ATP6V0E1: variants seen among roughly 807,000 people sequenced by gnomAD.
ATP6V0E1 encodes ATPase H+ transporting V0 subunit e1.
ATP6V0E1 carries 4 observed loss-of-function variants against 11.6 expected under a neutral mutation model. The observed-to-expected ratio is 0.35, with a 90% CI of 0.17 to 0.79. The LOEUF is 0.79. Among genes scored for constraint, ATP6V0E1 ranks in the 30% least tolerant of loss-of-function variants. The pLI, the probability that ATP6V0E1 is intolerant of heterozygous loss-of-function variation, is 0.54. For missense variants in ATP6V0E1, 105 were observed against 100.0 expected, an observed-to-expected ratio of 1.05 and a Z score of -0.21; for synonymous variants, 36 against 34.8, an observed-to-expected ratio of 1.04 and a Z score of -0.13.
At chr5:173,029,370 G>A (rs1173941209) in intron 3 of ATP6V0E1, among the ~76,000 whole-genome samples, 1 of 152,088 alleles carries the variant, frequency 6.6e-6, no homozygotes, top group Non-Finnish European at 1.5e-5. Flanking sequence ...CCTTGTCAGG[G>A]TCAGAACCTG....
intron 2 of ATP6V0E1, among the ~76,000 whole-genome samples, chr5:172,997,775 T>C (rs1233806520): frequency 6.9e-6 from 1 of 145,612 alleles, no homozygotes; most frequent in African/African-American, 2.6e-5. Context: ...ATTGCACCAC[T>C]GCACTCCAGT....
chr5:173,034,808 A>G lies in ATP6V0E1; in HGVS notation c.*446A>G. 4.9e-6 allele frequency: 1 copy of G among 204,100 alleles called. No homozygotes were observed. The highest frequency in any genetic ancestry group is 1.1e-4 in the East Asian group (1 of 8,970). 12.6% of individuals were successfully genotyped at this position (204,100 alleles called of 1,614,324 possible). On this transcript the variant is annotated 3_prime_UTR_variant, in exon 4 of 4. Transcript: ENST00000519374. ...GTTCAGAGGGAAGAGCCATCTCAAC[A>G]GAATCGCACCAAACTATACTTTCAG...
At chr5:173,024,421 A>G (rs567686240) in intron 3 of ATP6V0E1, among the ~76,000 whole-genome samples, 1 of 151,404 alleles carries the variant, frequency 6.6e-6, no homozygotes, top group South Asian at 2.1e-4. Flanking sequence ...TGTCTGTGAG[A>G]ACCTGTTTAG....
chr5:172,986,531 G>T (rs1336858619), intron 1 of ATP6V0E1: 1 of 227,310 alleles, frequency 4.4e-6, no homozygotes, highest in Non-Finnish European at 8.9e-6. Flanking sequence ...GCTGAGTGAG[G>T]GGGATGGGAG....
In ATP6V0E1 at chr5:173,034,579, T is replaced by C; in HGVS notation, c.*217T>C. The stretch of plus-strand genomic sequence containing the variant: ...CACTTTGGTGAATTACGTGCCTCCA[T>C]AACCTGAACTGTGCCGACTCCACAA... On this transcript the variant is annotated 3_prime_UTR_variant, in exon 4 of 4. Coordinates refer to ENST00000519374, the MANE Select transcript of ATP6V0E1 (RefSeq NM_003945.4). 2 of 653,710 alleles carry C rather than the reference T, an allele frequency of 3.1e-6. No individual in the cohort carries two copies. The highest frequency in any genetic ancestry group is 5.6e-6 in the Non-Finnish European group (2 of 355,718). The allele number at this position is 653,710 out of a possible 1,614,324, so 40.5% of individuals were successfully genotyped here.
intron 2 of ATP6V0E1, among the ~76,000 whole-genome samples, chr5:173,019,886 A>T (rs1013503570): frequency 6.6e-6 from 1 of 152,134 alleles, no homozygotes; most frequent in Non-Finnish European, 1.5e-5. Context: ...CTGAGGTTGG[A>T]AGTTGTGATG....
chr5:173,026,000 ATAT>A (rs1756553915), intron 3 of ATP6V0E1, among the ~76,000 whole-genome samples: 1 of 151,434 alleles, frequency 6.6e-6, no homozygotes, highest in Non-Finnish European at 1.5e-5. Context: ...TCAAATAATA[ATAT>A]TTTTTTTTTT....
At chr5:173,007,025 T>C (rs1756240255) in intron 2 of ATP6V0E1, among the ~76,000 whole-genome samples, 1 of 151,964 alleles carries the variant, frequency 6.6e-6, no homozygotes, top group African/African-American at 2.4e-5. Flanking sequence ...AGAAAATAAG[T>C]ATGGAGAGAA....
At chr5:172,993,957 A>AATGATGG in intron 1 of ATP6V0E1, among the ~76,000 whole-genome samples, 2 of 152,274 alleles carry the variant, frequency 1.3e-5, no homozygotes, top group East Asian at 3.9e-4. Context: ...TTGGAAACCA[A>AATGATGG]ATGATGGATG....
At chr5:173,030,583 G>A (rs1180950019) in intron 3 of ATP6V0E1, among the ~76,000 whole-genome samples, 8 of 151,824 alleles carry the variant, frequency 5.3e-5, no homozygotes, top group Non-Finnish European at 1.2e-4. Flanking sequence ...TGGGATTACA[G>A]GAATGTGCCA....
intron 2 of ATP6V0E1, among the ~76,000 whole-genome samples, chr5:173,000,365 T>C (rs1171166921): frequency 6.6e-6 from 1 of 152,218 alleles, no homozygotes; most frequent in African/African-American, 2.4e-5. Flanking sequence ...TACTATACTA[T>C]ATTTCTGGTC....
intron 1 of ATP6V0E1, among the ~76,000 whole-genome samples, chr5:172,993,063 G>T (rs1223086959): frequency 6.6e-6 from 1 of 152,130 alleles, no homozygotes; most frequent in Non-Finnish European, 1.5e-5. Context: ...CTCCTAAAGT[G>T]CTGGGATCAC....
intron 2 of ATP6V0E1, among the ~76,000 whole-genome samples, chr5:173,001,712 C>CT (rs796200644): frequency 1.2e-3 from 174 of 144,176 alleles, no homozygotes; most frequent in South Asian, 4.0e-3. Flanking sequence ...TGGTTTTGAG[C>CT]TTTTTTTTTT....
At chr5:173,031,007 C>T (rs1245628149) in intron 3 of ATP6V0E1, among the ~76,000 whole-genome samples, 2 of 151,830 alleles carry the variant, frequency 1.3e-5, no homozygotes, top group African/African-American at 2.4e-5. Context: ...TGCAGTGGTG[C>T]GATCTCCGCT....
At chr5:173,027,178 CAAAAAAAAAAAAA>C (rs1158447516) in intron 3 of ATP6V0E1, among the ~76,000 whole-genome samples, 2 of 26,058 alleles carry the variant, frequency 7.7e-5, no homozygotes, top group Middle Eastern at 0.036. Context: ...GACTCCGTCT[CAAAAAAAAAAAAA>C]AAAAAAAAAA....
chr5:172,985,699 TC>T (rs1755886608), intron 1 of ATP6V0E1, among the ~76,000 whole-genome samples: 1 of 152,208 alleles, frequency 6.6e-6, no homozygotes, highest in African/African-American at 2.4e-5. Flanking sequence ...TCTCTCCCCT[TC>T]CTTGGGATGT....
intron 2 of ATP6V0E1, among the ~76,000 whole-genome samples, chr5:173,001,844 G>A (rs367910635): frequency 1.2e-4 from 18 of 151,620 alleles, no homozygotes; most frequent in African/African-American, 4.4e-4. Flanking sequence ...TCAGCCTCCC[G>A]AGTAACTGGG....
rs1331304241 is a variant in ATP6V0E1, at chr5:173,008,722, ATG to A, written c.153-11515_153-11514del. Among the ~76,000 whole-genome samples the A allele has an allele frequency of 2.7e-5, 4 of 149,070 alleles. No individual in the cohort carries two copies. In the East Asian group the frequency reaches 6.1e-4, roughly 23 times the overall value. On this transcript the variant is annotated intron_variant, in intron 2 of 3. Transcript: ENST00000519374. Reference sequence around the variant, plus strand: ...CAGGAGATCGAGACCATCCTGGCTAATGCGGTGAAACCCCATCTCTACTAAAA... The same window carrying A: ...CAGGAGATCGAGACCATCCTGGCTAACGGTGAAACCCCATCTCTACTAAAA...
rs558114988 is a variant in ATP6V0E1, at chr5:173,027,174, G to A, written c.*36+6807G>A. ...AGCCTGGGTGACACAGCGAGACTCC[G>A]TCTCAAAAAAAAAAAAAAAAAAAAA... On this transcript the variant is annotated intron_variant, in intron 3 of 3. Transcript: ENST00000519374. Among the ~76,000 whole-genome samples the A allele has an allele frequency of 6.1e-3, 476 of 78,214 alleles. 4 individuals carry two copies. Among genetic ancestry groups the A allele is most frequent in the African/African-American group, 0.025 (455 of 18,386 alleles). The allele number at this position is 78,214 out of a possible 152,430, so 51.3% of individuals were successfully genotyped here.
Sources: gnomAD v4.1 joint callset for allele counts (sites outside exome capture counted in the v4.1 genomes callset) on GRCh38, gnomAD v4.1.1 for gene constraint, MANE v1.5 for transcripts, NCBI Gene and HGNC (gene_info 2026-07-23, HGNC 2026-07-21) for gene names.